The following TENM2 variants were observed in gnomAD, a reference collection of about 807,000 sequenced individuals.
TENM2 encodes teneurin transmembrane protein 2.
A neutral mutation model predicts 245.2 loss-of-function variants in TENM2; 52 were observed. The observed-to-expected ratio is 0.21, with a 90% CI of 0.17 to 0.27. The LOEUF (loss-of-function observed/expected upper bound fraction) is 0.27, where lower values mean the gene tolerates loss of function less well. Ranked by LOEUF, TENM2 falls within the 10% of genes least tolerant of loss-of-function variation. The pLI is 1.00. For synonymous variants in TENM2, 1,363 were observed against 1,438.9 expected, an observed-to-expected ratio of 0.95 and a Z score of 1.19; for missense variants, 3,046 against 3,666.8, an observed-to-expected ratio of 0.83 and a Z score of 4.37.
chr5:167,610,711 T>G (rs1777425008), intron 2 of TENM2, among the ~76,000 whole-genome samples: 1 of 152,202 alleles, frequency 6.6e-6, no homozygotes, highest in Non-Finnish European at 1.5e-5. Context: ...ATTCCTTTCT[T>G]GTTTTATTAC....
intron 2 of TENM2, chr5:167,755,061 G>A: frequency 6.3e-7 from 1 of 1,597,688 alleles, no homozygotes; most frequent in Non-Finnish European, 8.5e-7. Context: ...CCGATGGTGA[G>A]CCCACCTCTC....
At chr5:168,148,402 C>CT (rs1342374744) in intron 12 of TENM2, among the ~76,000 whole-genome samples, 2 of 152,214 alleles carry the variant, frequency 1.3e-5, no homozygotes, top group African/African-American at 4.8e-5. Flanking sequence ...ACAGAAGTCT[C>CT]TTATTTCTCA....
At chr5:167,373,346 T>C (rs1004745386) in intron 1 of TENM2, among the ~76,000 whole-genome samples, 1 of 152,198 alleles carries the variant, frequency 6.6e-6, no homozygotes, top group East Asian at 1.9e-4. Flanking sequence ...TAGGCTACCA[T>C]AGAGTGTCAA....
chr5:167,921,812 T>C (rs1186916910), intron 3 of TENM2, among the ~76,000 whole-genome samples: 2 of 152,180 alleles, frequency 1.3e-5, no homozygotes, highest in Non-Finnish European at 2.9e-5. Context: ...AAAGATTACT[T>C]GACCTCATGA....
chr5:168,120,827 A>G (rs1210153199), intron 10 of TENM2, among the ~76,000 whole-genome samples: 1 of 152,234 alleles, frequency 6.6e-6, no homozygotes. Context: ...TTTACCTGAA[A>G]TGGCCATGGC....
chr5:167,919,743 G>A (rs971097349), intron 3 of TENM2, among the ~76,000 whole-genome samples: 6 of 152,196 alleles, frequency 3.9e-5, no homozygotes, highest in Admixed American at 6.5e-5. Flanking sequence ...ATAGCAAGTG[G>A]TGAAGAATTT....
intron 2 of TENM2, among the ~76,000 whole-genome samples, chr5:167,492,565 T>C (rs1387421057): frequency 1.3e-5 from 2 of 152,154 alleles, no homozygotes; most frequent in African/African-American, 4.8e-5. Flanking sequence ...AGAATTTATA[T>C]GGCTATTTTA....
At chr5:167,055,813 A>C in the TENM2 span, among the ~76,000 whole-genome samples, 1 of 152,128 alleles carries the variant, frequency 6.6e-6, no homozygotes, top group East Asian at 1.9e-4. Context: ...ATTTTTGGGT[A>C]GATTATTTAA....
intron 5 of TENM2, among the ~76,000 whole-genome samples, chr5:168,028,590 T>G (rs10068776): frequency 0.18 from 26,892 of 152,092 alleles, 2,549 homozygotes; most frequent in Admixed American, 0.29. Flanking sequence ...CAGTTAAATT[T>G]GAGTTTCAGA....
At chr5:167,681,252 T>C (rs946684630) in intron 2 of TENM2, among the ~76,000 whole-genome samples, 1 of 152,148 alleles carries the variant, frequency 6.6e-6, no homozygotes, top group Non-Finnish European at 1.5e-5. Flanking sequence ...TCTTCTTTTC[T>C]TCTTTTTTAA....
chr5:167,463,051 G>A (rs753986468), intron 2 of TENM2, among the ~76,000 whole-genome samples: 2 of 151,972 alleles, frequency 1.3e-5, no homozygotes, highest in African/African-American at 4.8e-5. Flanking sequence ...TTTCTATACC[G>A]TAAGGTGCTA....
intron 4 of TENM2, among the ~76,000 whole-genome samples, chr5:167,989,298 G>GAA (rs1554167235): frequency 0.013 from 1,896 of 147,758 alleles, 48 homozygotes; most frequent in African/African-American, 0.045. Flanking sequence ...GAGAGAGAGA[G>GAA]AGATAGATAG....
At chr5:167,857,129 C>T (rs146461869) in intron 2 of TENM2, among the ~76,000 whole-genome samples, 1 of 152,132 alleles carries the variant, frequency 6.6e-6, no homozygotes, top group East Asian at 1.9e-4. Flanking sequence ...GGATTACATT[C>T]TAGCAAGAAT....
intron 5 of TENM2, among the ~76,000 whole-genome samples, chr5:168,002,366 A>C (rs915539583): frequency 1.3e-5 from 2 of 152,210 alleles, no homozygotes; most frequent in Non-Finnish European, 2.9e-5. Flanking sequence ...CAATTCTCTC[A>C]GTTTGCTTAC....
At chr5:168,047,524 G>A (rs1175965698) in exon 6 of TENM2, 16 of 1,551,570 alleles carry the variant, frequency 1.0e-5, no homozygotes, top group Admixed American at 7.8e-5. Flanking sequence ...ACGATGATGT[G>A]GCAACAATGC....
At chr5:167,952,295 G>A in intron 3 of TENM2, 1 of 526,012 alleles carries the variant, frequency 1.9e-6, no homozygotes, top group Non-Finnish European at 3.4e-6. Context: ...TTTCATTGCA[G>A]TATTAATATG....
chr5:166,987,420 GGTGTGT>G, the TENM2 span, among the ~76,000 whole-genome samples: 94 of 146,874 alleles, frequency 6.4e-4, no homozygotes, highest in East Asian at 1.0e-3. Context: ...GTTTAGTAAG[GGTGTGT>G]GTGTGTGTGT....
chr5:168,228,675 C>A (rs1386517058), intron 25 of TENM2, among the ~76,000 whole-genome samples: 1 of 152,136 alleles, frequency 6.6e-6, no homozygotes, highest in Non-Finnish European at 1.5e-5. Flanking sequence ...GACAGAGGTA[C>A]ATGCAGGGTC....
intron 2 of TENM2, among the ~76,000 whole-genome samples, chr5:167,385,584 T>C (rs1761379105): frequency 6.6e-6 from 1 of 151,604 alleles, no homozygotes; most frequent in Non-Finnish European, 1.5e-5. Flanking sequence ...GTGGTGATTG[T>C]GAGATTTTGG....
Sources: allele counts gnomAD v4.1 joint callset (sites outside exome capture counted in the v4.1 genomes callset), GRCh38; gene constraint gnomAD v4.1.1; transcripts MANE v1.5; gene names NCBI Gene and HGNC (gene_info 2026-07-23, HGNC 2026-07-21).